PTPRG: variants seen among roughly 807,000 people sequenced by gnomAD.
PTPRG encodes the protein receptor-type tyrosine-protein phosphatase gamma.
PTPRG carries 102 observed loss-of-function variants against 165.3 expected under a neutral mutation model. The observed-to-expected ratio is 0.62, with a 90% CI of 0.53 to 0.73. PTPRG has a LOEUF of 0.73. Ranked by LOEUF, PTPRG falls within the 30% of genes least tolerant of loss-of-function variation. The pLI is 0.00. For missense variants in PTPRG, 1,866 were observed against 1,861.4 expected (o/e 1.00, Z -0.05); for synonymous variants, 675 against 669.5 (o/e 1.01, Z -0.13).
intron 2 of PTPRG, among the ~76,000 whole-genome samples, chr3:61,867,494 A>G (rs1283955803): frequency 2.0e-5 from 3 of 151,964 alleles, no homozygotes; most frequent in African/African-American, 7.3e-5. Context: ...TTATTGATTC[A>G]TTGCTTTTTT....
chr3:61,902,973 G>C (rs1316864560), intron 2 of PTPRG, among the ~76,000 whole-genome samples: 2 of 152,074 alleles, frequency 1.3e-5, no homozygotes, highest in African/African-American at 4.8e-5. Flanking sequence ...GCTTTACTTG[G>C]CCTTGTCTTT....
chr3:61,573,692 G>C (rs1345550898), intron 1 of PTPRG, among the ~76,000 whole-genome samples: 1 of 152,188 alleles, frequency 6.6e-6, no homozygotes, highest in East Asian at 1.9e-4. Flanking sequence ...TGGTAGTCAT[G>C]TATGAGGGCT....
intron 16 of PTPRG, among the ~76,000 whole-genome samples, chr3:62,256,172 T>C (rs1327496152): frequency 1.3e-5 from 2 of 152,052 alleles, no homozygotes; most frequent in Non-Finnish European, 2.9e-5. Context: ...TTCAACAAAA[T>C]TGGTTACAGG....
intron 2 of PTPRG, among the ~76,000 whole-genome samples, chr3:61,840,798 T>G (rs1465293154): frequency 1.3e-5 from 2 of 148,520 alleles, no homozygotes; most frequent in African/African-American, 5.0e-5. Flanking sequence ...TTTTTTTTTT[T>G]TTTGAGATGA....
intron 8 of PTPRG, among the ~76,000 whole-genome samples, chr3:62,176,463 G>GC (rs1705427956): frequency 6.6e-6 from 1 of 152,288 alleles, no homozygotes; most frequent in East Asian, 1.9e-4. Flanking sequence ...ACAAGAACTT[G>GC]CAAGTGGTGC....
chr3:61,699,170 T>G (rs1020646120), intron 1 of PTPRG, among the ~76,000 whole-genome samples: 4 of 152,002 alleles, frequency 2.6e-5, no homozygotes, highest in African/African-American at 9.7e-5. Context: ...TAAAGTGTAA[T>G]AATAACAAAA....
chr3:62,114,353 ACT>A (rs1576018896), intron 5 of PTPRG, among the ~76,000 whole-genome samples: 3 of 152,100 alleles, frequency 2.0e-5, no homozygotes. Flanking sequence ...TAACAAGTAT[ACT>A]CAGTTTTAAT....
chr3:62,276,944 T>C, intron 24 of PTPRG, 28 bp from the exon 25 acceptor site: 1 of 1,584,144 alleles, frequency 6.3e-7, no homozygotes, highest in Non-Finnish European at 8.7e-7. Flanking sequence ...AAGGCAAATG[T>C]GGTGTTTTTG....
intron 5 of PTPRG, among the ~76,000 whole-genome samples, chr3:62,093,164 A>G (rs574938041): frequency 6.6e-6 from 1 of 152,282 alleles, no homozygotes; most frequent in African/African-American, 2.4e-5. Context: ...ACAGGTTGAG[A>G]ACTAGCAGAG....
Position 62,195,583 on chromosome 3 carries a change from C to T in PTPRG, c.1327+413C>T, listed in dbSNP as rs188181753. Among the ~76,000 whole-genome samples the T allele has an allele frequency of 2.0e-5, 3 of 152,092 alleles. No homozygotes were observed. Among genetic ancestry groups the T allele is most frequent in the African/African-American group, 7.2e-5 (3 of 41,412 alleles). On this transcript the variant is annotated intron_variant, in intron 10 of 29. Transcript: ENST00000474889. The surrounding 1 kb of genome is among the most constrained non-coding windows in gnomAD (Gnocchi z 4.4). The stretch of plus-strand genomic sequence containing the variant: ...CCATAGCAGCTACACCTCACCCTTC[C>T]GACTTGCAAGCCACACAAACAAGCG...
chr3:62,105,266 G>A (rs986463464), intron 5 of PTPRG, among the ~76,000 whole-genome samples: 1 of 152,166 alleles, frequency 6.6e-6, no homozygotes, highest in Non-Finnish European at 1.5e-5. Context: ...CAGGGCATCC[G>A]TATTAGCAGG....
chr3:61,975,633 A>C (rs2107668903), intron 2 of PTPRG, among the ~76,000 whole-genome samples: 1 of 151,700 alleles, frequency 6.6e-6, no homozygotes, highest in South Asian at 2.1e-4. Context: ...TTCACTTAGA[A>C]ATAGAATTCT....
chr3:61,600,940 G>A (rs1337405506), intron 1 of PTPRG, among the ~76,000 whole-genome samples: 2 of 152,198 alleles, frequency 1.3e-5, no homozygotes, highest in Admixed American at 6.5e-5. Context: ...AAATCTCAAT[G>A]TATAAAACAG....
chr3:61,705,190 G>C (rs2031184570), intron 1 of PTPRG, among the ~76,000 whole-genome samples: 1 of 152,158 alleles, frequency 6.6e-6, no homozygotes, highest in Admixed American at 6.5e-5. Flanking sequence ...AGGGGCTCTT[G>C]GGGCACCTGA....
chr3:62,039,154 T>G (rs572464656), intron 4 of PTPRG, among the ~76,000 whole-genome samples: 1 of 152,060 alleles, frequency 6.6e-6, no homozygotes, highest in Non-Finnish European at 1.5e-5. Flanking sequence ...AGGCTGCTCT[T>G]GAACTCCTGA....
chr3:61,886,526 T>C (rs1209739598), intron 2 of PTPRG, among the ~76,000 whole-genome samples: 1 of 152,144 alleles, frequency 6.6e-6, no homozygotes, highest in Non-Finnish European at 1.5e-5. Context: ...TGTTGGATGG[T>C]CTACAACTTG....
At chr3:61,572,770 C>G (rs961682005) in intron 1 of PTPRG, among the ~76,000 whole-genome samples, 1 of 152,108 alleles carries the variant, frequency 6.6e-6, no homozygotes, top group African/African-American at 2.4e-5. Context: ...CAACATTAAC[C>G]TGAAATTAAA....
At chr3:62,202,289 C>T (rs1235138918) in intron 11 of PTPRG, among the ~76,000 whole-genome samples, 2 of 152,096 alleles carry the variant, frequency 1.3e-5, no homozygotes, top group Admixed American at 1.3e-4. Flanking sequence ...TAAGAACAAG[C>T]CGAGTCTTAG....
intron 2 of PTPRG, among the ~76,000 whole-genome samples, chr3:61,885,370 A>G (rs2037999130): frequency 6.6e-6 from 1 of 151,702 alleles, no homozygotes; most frequent in Non-Finnish European, 1.5e-5. Flanking sequence ...ATGATTATCC[A>G]TACTTCTGCC....
Sources: gnomAD v4.1 joint callset for allele counts (sites outside exome capture counted in the v4.1 genomes callset) on GRCh38, gnomAD v4.1.1 for gene constraint, Gnocchi (gnomAD v3.1) non-coding constraint, MANE v1.5 for transcripts, NCBI Gene and HGNC (gene_info 2026-07-23, HGNC 2026-07-21) for gene names.